KCTD16: variants seen among roughly 807,000 people sequenced by gnomAD.
KCTD16 encodes potassium channel tetramerization domain containing 16.
Under a neutral mutation model 33.2 loss-of-function variants are expected in KCTD16, and 13 were observed. The observed-to-expected ratio is 0.39, with a 90% CI of 0.25 to 0.62. KCTD16 has a LOEUF of 0.62. Among genes scored for constraint, KCTD16 ranks in the 20% least tolerant of loss-of-function variants. The pLI is 0.50. For synonymous variants in KCTD16, 197 were observed against 195.3 expected, an observed-to-expected ratio of 1.01 and a Z score of -0.07; for missense variants, 441 against 525.1, an observed-to-expected ratio of 0.84 and a Z score of 1.57.
At chr5:144,277,711 T>C (rs147658646) in intron 3 of KCTD16, among the ~76,000 whole-genome samples, 4 of 152,338 alleles carry the variant, frequency 2.6e-5, no homozygotes, top group East Asian at 1.9e-4. Context: ...GTTTAGATTC[T>C]AACTATTTTA....
intron 3 of KCTD16, among the ~76,000 whole-genome samples, chr5:144,314,307 G>A (rs1227827485): frequency 6.6e-6 from 1 of 152,090 alleles, no homozygotes; most frequent in Non-Finnish European, 1.5e-5. Flanking sequence ...GAACATTGGG[G>A]AATGCTCTGC....
chr5:144,251,945 C>T (rs1007741147), intron 3 of KCTD16, among the ~76,000 whole-genome samples: 25 of 152,152 alleles, frequency 1.6e-4, no homozygotes, highest in Non-Finnish European at 3.1e-4. Context: ...ATCTTTCCTT[C>T]TTTTTCCTAC....
At chr5:144,322,301 C>T (rs1449475606) in intron 3 of KCTD16, among the ~76,000 whole-genome samples, 1 of 152,088 alleles carries the variant, frequency 6.6e-6, no homozygotes, top group Non-Finnish European at 1.5e-5. Context: ...CATAGTTGTG[C>T]AGTCAACTCA....
At chr5:144,365,014 C>A (rs115444628) in intron 3 of KCTD16, among the ~76,000 whole-genome samples, 2,858 of 119,026 alleles carry the variant, frequency 0.024, 80 homozygotes, top group African/African-American at 0.1. Context: ...CAGAGCAGAG[C>A]AAATCCTCAT....
intron 3 of KCTD16, among the ~76,000 whole-genome samples, chr5:144,246,555 T>C (rs1580817295): frequency 1.3e-5 from 2 of 152,230 alleles, no homozygotes; most frequent in Non-Finnish European, 1.5e-5. Context: ...AAATACTTGT[T>C]GTGTGTTAAC....
chr5:144,310,085 T>C (rs1377978075), intron 3 of KCTD16, among the ~76,000 whole-genome samples: 1 of 152,122 alleles, frequency 6.6e-6, no homozygotes, highest in Non-Finnish European at 1.5e-5. Flanking sequence ...AACTAGATAT[T>C]ATTCTCCTCT....
At chr5:144,220,593 C>CTATAT (rs1158981587) in intron 3 of KCTD16, among the ~76,000 whole-genome samples, 20 of 151,970 alleles carry the variant, frequency 1.3e-4, no homozygotes, top group Admixed American at 9.2e-4. Flanking sequence ...TTTATACATA[C>CTATAT]ACACTTACTA....
intron 2 of KCTD16, among the ~76,000 whole-genome samples, chr5:144,179,596 C>T (rs921827491): frequency 6.6e-6 from 1 of 152,224 alleles, no homozygotes; most frequent in Admixed American, 6.5e-5. Flanking sequence ...CCTTCACCAA[C>T]ATGGTAGATA....
chr5:144,428,162 G>A (rs928270428), intron 3 of KCTD16, among the ~76,000 whole-genome samples: 1 of 152,038 alleles, frequency 6.6e-6, no homozygotes, highest in Admixed American at 6.6e-5. Context: ...CTGTACACTA[G>A]GTACGCCTTC....
At chr5:144,466,386 T>C (rs565794821) in intron 3 of KCTD16, among the ~76,000 whole-genome samples, 21 of 152,120 alleles carry the variant, frequency 1.4e-4, no homozygotes, top group African/African-American at 4.1e-4. Context: ...ACTGTGTCCT[T>C]CATGTAGTCA....
intron 3 of KCTD16, among the ~76,000 whole-genome samples, chr5:144,237,415 C>G (rs1754284761): frequency 6.6e-6 from 1 of 151,932 alleles, no homozygotes; most frequent in South Asian, 2.1e-4. Flanking sequence ...TGCAGATGAC[C>G]CAAACAGTGG....
intron 3 of KCTD16, among the ~76,000 whole-genome samples, chr5:144,465,196 TCTCA>T (rs1561618223): frequency 6.4e-5 from 7 of 109,860 alleles, no homozygotes; most frequent in African/African-American, 1.5e-4. Context: ...CCCCTCTCTC[TCTCA>T]CTCTCTCTCT....
chr5:144,187,478 A>G (rs1752753570), intron 2 of KCTD16, among the ~76,000 whole-genome samples: 1 of 152,070 alleles, frequency 6.6e-6, no homozygotes, highest in Non-Finnish European at 1.5e-5. Flanking sequence ...AGGGGGCAAG[A>G]GAGAAAAAAT....
chr5:144,308,246 A>G (rs1223590109), intron 3 of KCTD16, among the ~76,000 whole-genome samples: 1 of 152,186 alleles, frequency 6.6e-6, no homozygotes, highest in Non-Finnish European at 1.5e-5. Flanking sequence ...TCCTGTTAGT[A>G]CAGTTAAAAT....
At chr5:144,403,587 A>G (rs1752751564) in intron 3 of KCTD16, among the ~76,000 whole-genome samples, 1 of 152,218 alleles carries the variant, frequency 6.6e-6, no homozygotes, top group African/African-American at 2.4e-5. Context: ...CACCCTGGTG[A>G]TGCACTGGTT....
chr5:144,261,339 A>G (rs922498400), intron 3 of KCTD16, among the ~76,000 whole-genome samples: 4 of 152,224 alleles, frequency 2.6e-5, no homozygotes, highest in Admixed American at 1.3e-4. Context: ...CACTAGATTT[A>G]CTGAAAGTAG....
intron 2 of KCTD16, among the ~76,000 whole-genome samples, chr5:144,199,706 CAT>C (rs1491336573): frequency 3.9e-5 from 4 of 102,454 alleles, no homozygotes; most frequent in African/African-American, 1.6e-4. Flanking sequence ...AGAACAGCTT[CAT>C]TTTTTTTTTT....
intron 3 of KCTD16, among the ~76,000 whole-genome samples, chr5:144,424,442 G>A (rs1490413472): frequency 6.6e-6 from 1 of 152,136 alleles, no homozygotes; most frequent in East Asian, 1.9e-4. Flanking sequence ...ACAATCCACT[G>A]ATGGCTTCCC....
chr5:144,462,392 G>A (rs1483532376), intron 3 of KCTD16, among the ~76,000 whole-genome samples: 3 of 151,818 alleles, frequency 2.0e-5, no homozygotes, highest in Non-Finnish European at 4.4e-5. Context: ...CACCACCTTT[G>A]AGTTTTTAAC....
Sources: gnomAD v4.1 joint callset for allele counts (sites outside exome capture counted in the v4.1 genomes callset) on GRCh38, gnomAD v4.1.1 for gene constraint, MANE v1.5 for transcripts, NCBI Gene and HGNC (gene_info 2026-07-23, HGNC 2026-07-21) for gene names.